Variants in CREB5 observed in about 807,000 individuals in gnomAD.
CREB5 encodes the protein cAMP responsive element binding protein 5.
Under a neutral mutation model 57.1 loss-of-function variants are expected in CREB5, and 19 were observed. The observed-to-expected ratio is 0.33, with a 90% CI of 0.23 to 0.49. The LOEUF (loss-of-function observed/expected upper bound fraction) is 0.49. Among genes scored for constraint, CREB5 ranks in the 20% least tolerant of loss-of-function variants. The probability of loss-of-function intolerance (pLI) is 0.99; values close to 1 mark genes in which losing one functional copy is unlikely to be tolerated. For synonymous variants in CREB5, 238 were observed against 238.3 expected (o/e 1.00, Z 0.01); for missense variants, 579 against 671.6 (o/e 0.86, Z 1.52).
At chr7:28,487,402 C>G (rs927476931) in intron 1 of CREB5, among the ~76,000 whole-genome samples, 1 of 152,184 alleles carries the variant, frequency 6.6e-6, no homozygotes, top group Non-Finnish European at 1.5e-5. Context: ...TTCCTGAAAG[C>G]TACCTTATTC....
chr7:28,527,297 G>A (rs1012545689), intron 4 of CREB5, among the ~76,000 whole-genome samples: 1 of 152,190 alleles, frequency 6.6e-6, no homozygotes, highest in African/African-American at 2.4e-5. Context: ...CAAGATCAGT[G>A]CCATACAACT....
chr7:28,744,555 C>T (rs932591758), intron 7 of CREB5, among the ~76,000 whole-genome samples: 4 of 151,902 alleles, frequency 2.6e-5, no homozygotes, highest in African/African-American at 7.3e-5. Context: ...ACCATGTTGG[C>T]CAGGGTGGTC....
chr7:28,565,621 AT>A (rs753362605), intron 4 of CREB5, among the ~76,000 whole-genome samples: 4 of 152,176 alleles, frequency 2.6e-5, no homozygotes, highest in Admixed American at 1.3e-4. Context: ...TATCATCATG[AT>A]TACATTTTTG....
At chr7:28,560,905 C>CGTGTGT (rs1213126401) in intron 4 of CREB5, among the ~76,000 whole-genome samples, 22 of 13,484 alleles carry the variant, frequency 1.6e-3, no homozygotes, top group African/African-American at 0.01. Context: ...TGCGTGCGCG[C>CGTGTGT]GTGCGTGTGC....
At position 28,819,097 on chromosome 7, in the gene CREB5, T is replaced by TC. The variant is rs1170656146; in HGVS notation, c.1364-18dup. 74 of 1,607,970 alleles carry TC rather than the reference T, an allele frequency of 4.6e-5. No individual in the cohort carries two copies. Among genetic ancestry groups the TC allele is most frequent in the Non-Finnish European group, 5.9e-5 (69 of 1,177,320 alleles). The stretch of plus-strand genomic sequence containing the variant: ...GGTGTGTGTGTATGTGTGTGTGTTG[T>TC]CTTTTTTTTTCTCCCTAGGTCCAGA... On this transcript the variant is annotated intron_variant, in intron 10 of 10. Coordinates refer to ENST00000357727, the MANE Select transcript of CREB5 (RefSeq NM_182898.4).
chr7:28,755,323 A>G (rs187292214), intron 7 of CREB5, among the ~76,000 whole-genome samples: 3 of 152,366 alleles, frequency 2.0e-5, no homozygotes, highest in Non-Finnish European at 4.4e-5. Flanking sequence ...TGCCGTATTT[A>G]TAACAGCTGC....
At chr7:28,416,522 T>C (rs535309894) in intron 1 of CREB5, among the ~76,000 whole-genome samples, 17 of 152,278 alleles carry the variant, frequency 1.1e-4, no homozygotes, top group African/African-American at 4.1e-4. Context: ...GTAGAAGGCA[T>C]TGGGATAAAG....
intron 1 of CREB5, among the ~76,000 whole-genome samples, chr7:28,467,834 A>T (rs1042384522): frequency 7.9e-5 from 12 of 152,206 alleles, no homozygotes; most frequent in African/African-American, 2.9e-4. Flanking sequence ...GAACTTCTTC[A>T]GGATGGCCCC....
At position 28,585,651 on chromosome 7, in the gene CREB5, C is replaced by T. The variant is rs187503709; in HGVS notation, c.464+15114C>T. On this transcript the variant is annotated intron_variant, in intron 5 of 10. Transcript: ENST00000357727. The stretch of plus-strand genomic sequence containing the variant: ...CTGGCTCTGAGTGATTTAAAGGCAA[C>T]GTCCTTGAGTTTATATGCTCCCAGA... Among the ~76,000 whole-genome samples, 57 of 152,256 alleles carry T rather than the reference C, an allele frequency of 3.7e-4. No individual in the cohort carries two copies. The East Asian group carries it at 9.6e-3, about 26-fold the overall frequency.
chr7:28,530,857 G>A (rs962211943), intron 4 of CREB5, among the ~76,000 whole-genome samples: 7 of 152,218 alleles, frequency 4.6e-5, no homozygotes, highest in Non-Finnish European at 7.3e-5. Context: ...AGAGGAAAGG[G>A]ATAGTGGTGG....
chr7:28,726,447 C>T (rs1803342496), intron 7 of CREB5, among the ~76,000 whole-genome samples: 1 of 152,064 alleles, frequency 6.6e-6, no homozygotes, highest in African/African-American at 2.4e-5. Flanking sequence ...CAGTTATTGC[C>T]ATATACTAAC....
chr7:28,686,230 A>G (rs1393310664), intron 5 of CREB5: 1 of 1,567,194 alleles, frequency 6.4e-7, no homozygotes. Flanking sequence ...TTTTCTCCTG[A>G]TTTTATAGAT....
Position 28,718,865 on chromosome 7 carries a change from G to A in CREB5, c.577G>A (p.Ala193Thr), listed in dbSNP as rs774789053. 1.1e-5 allele frequency: 18 copies of A among 1,613,890 alleles called. No homozygotes were observed. The highest frequency in any genetic ancestry group is 1.5e-5 in the Non-Finnish European group (18 of 1,179,934). ...LPNPTMPGSS[A>T]VLMPMERQMS... ...CAACCCTACAATGCCAGGATCTTCCGCCGTCTTGATGCCAGTAAGTGTTTC... is the reference window on the plus strand; with the variant it reads ...CAACCCTACAATGCCAGGATCTTCCACCGTCTTGATGCCAGTAAGTGTTTC... Residue 193 changes from alanine to threonine, a missense_variant, in exon 6 of 11, where the codon GCC becomes ACC. Ala to Thr is a moderately conservative substitution (Grantham distance 58). This residue lies in a region of CREB5 where 459 missense variants were observed against 515.7 expected (regional missense o/e 0.89). Coordinates refer to ENST00000357727, the MANE Select transcript of CREB5 (RefSeq NM_182898.4).
intron 1 of CREB5, among the ~76,000 whole-genome samples, chr7:28,360,508 T>G (rs1468003400): frequency 6.6e-6 from 1 of 152,122 alleles, no homozygotes; most frequent in Non-Finnish European, 1.5e-5. Context: ...ATATGTTGAA[T>G]CTAAAACAGT....
Position 28,809,867 on chromosome 7 carries a change from G to A in CREB5, c.1254+453G>A, listed in dbSNP as rs926265440. Among the ~76,000 whole-genome samples the A allele has an allele frequency of 2.0e-5, 3 of 152,306 alleles. No homozygotes were observed. In the South Asian group the frequency reaches 6.2e-4, roughly 32 times the overall value. On this transcript the variant is annotated intron_variant, in intron 9 of 10. Coordinates refer to ENST00000357727, the MANE Select transcript of CREB5 (RefSeq NM_182898.4). ...CCCATAACAAACCTTCAGCTGAAAAGGAGCTTTTCATTAATTATATTCACT... is the reference window on the plus strand; with the variant it reads ...CCCATAACAAACCTTCAGCTGAAAAAGAGCTTTTCATTAATTATATTCACT...
At chr7:28,488,361 C>T in intron 2 of CREB5, 115 bp downstream of exon 2, 1 of 754,096 alleles carries the variant, frequency 1.3e-6, no homozygotes, top group Non-Finnish European at 2.2e-6. Flanking sequence ...CAAGACACCA[C>T]CAAAGTCCCC....
At chr7:28,548,530 C>T (rs960229225) in intron 4 of CREB5, among the ~76,000 whole-genome samples, 13 of 152,118 alleles carry the variant, frequency 8.5e-5, no homozygotes, top group Non-Finnish European at 8.8e-5. Flanking sequence ...ATTGATGGGG[C>T]CAAACGAATG....
At chr7:28,776,169 CTA>C (rs1806618672) in intron 7 of CREB5, among the ~76,000 whole-genome samples, 2 of 151,928 alleles carry the variant, frequency 1.3e-5, no homozygotes, top group Admixed American at 6.5e-5. Flanking sequence ...AACCCCGTCT[CTA>C]CTAAAAATCC....
chr7:28,677,064 A>C (rs1468849383), intron 5 of CREB5, among the ~76,000 whole-genome samples: 1 of 152,194 alleles, frequency 6.6e-6, no homozygotes, highest in Non-Finnish European at 1.5e-5. Flanking sequence ...TAAAGGCTTG[A>C]TCACTTTAGG....
Sources: gnomAD v4.1 joint callset for allele counts (sites outside exome capture counted in the v4.1 genomes callset) on GRCh38, gnomAD v4.1.1 for gene constraint, gnomAD v4.1.1 regional missense constraint, MANE v1.5 for transcripts, NCBI Gene and HGNC (gene_info 2026-07-23, HGNC 2026-07-21) for gene names.